Variants in CHAT observed in about 807,000 individuals in gnomAD.
CHAT encodes choline O-acetyltransferase, also known as acetyl CoA:choline O-acetyltransferase.
A neutral mutation model predicts 76.9 loss-of-function variants in CHAT; 61 were observed. The ratio of observed to expected loss-of-function variants is 0.79; its 90% CI spans 0.65 to 0.98. The LOEUF (loss-of-function observed/expected upper bound fraction) is 0.98, where lower values mean the gene tolerates loss of function less well. Among genes scored for constraint, CHAT ranks in the 50% least tolerant of loss-of-function variants. The pLI is 0.00. For synonymous variants in CHAT, 407 were observed against 397.4 expected (o/e 1.02, Z -0.29); for missense variants, 946 against 986.9 (o/e 0.96, Z 0.56).
At chr10:49,664,200 A>G (rs10857528) in intron 14 of CHAT, among the ~76,000 whole-genome samples, 129,709 of 152,160 alleles carry the variant, frequency 0.85, 55,609 homozygotes, top group Non-Finnish European at 0.91. Flanking sequence ...ACAAAATCTC[A>G]GCACTCTGAT....
intron 7 of CHAT, among the ~76,000 whole-genome samples, chr10:49,638,692 G>A (rs542283413): frequency 3.0e-4 from 45 of 152,282 alleles, no homozygotes; most frequent in African/African-American, 1.1e-3. Context: ...CTAGTGAAGT[G>A]TAGAAAGCTT....
intron 13 of CHAT, among the ~76,000 whole-genome samples, chr10:49,658,633 C>T (rs896552105): frequency 2.0e-5 from 3 of 152,256 alleles, no homozygotes; most frequent in East Asian, 1.9e-4. Context: ...CGCTTGAACC[C>T]GGGAGTCGGA....
At chr10:49,609,103 G>C (rs542942211), upstream of CHAT, 1 of 152,394 alleles carries the variant, frequency 6.6e-6, no homozygotes, top group African/African-American at 2.4e-5. Context: ...GGTCAACGCC[G>C]CTCTGGGGAC....
intron 7 of CHAT, among the ~76,000 whole-genome samples, chr10:49,646,275 G>C (rs1391833476): frequency 1.3e-5 from 2 of 152,222 alleles, no homozygotes; most frequent in Non-Finnish European, 2.9e-5. Flanking sequence ...GCTCCTGCAG[G>C]GACCGTGCGA....
chr10:49,649,131 C>T (rs1174476281), intron 9 of CHAT, among the ~76,000 whole-genome samples: 1 of 152,208 alleles, frequency 6.6e-6, no homozygotes, highest in African/African-American at 2.4e-5. Flanking sequence ...TTCCATGAAA[C>T]TCAGGGTTAC....
At chr10:49,636,906 A>G (rs1033125419) in intron 7 of CHAT, among the ~76,000 whole-genome samples, 9 of 152,162 alleles carry the variant, frequency 5.9e-5, no homozygotes, top group Non-Finnish European at 1.3e-4. Flanking sequence ...GGATTGGTCC[A>G]TTTCATGTAA....
chr10:49,612,409 C>CA, upstream of CHAT: 5 of 1,474,230 alleles, frequency 3.4e-6, no homozygotes, highest in Non-Finnish European at 4.6e-6. Context: ...GCCCACTGGC[C>CA]AGCTCTGGCT....
At chr10:49,611,415 C>T (rs757608288), upstream of CHAT, 2 of 1,597,798 alleles carry the variant, frequency 1.3e-6, no homozygotes, top group African/African-American at 1.3e-5. Flanking sequence ...GCTTCGGAAG[C>T]CTAGTGGCCC....
chr10:49,612,647 G>T (rs74832669), upstream of CHAT: 11,320 of 352,338 alleles, frequency 0.032, 1,431 homozygotes, highest in East Asian at 0.34. Context: ...TCCTTCCATT[G>T]CTCCCAGTGC....
At chr10:49,622,690 G>A (rs1182792677) in intron 5 of CHAT, among the ~76,000 whole-genome samples, 1 of 152,182 alleles carries the variant, frequency 6.6e-6, no homozygotes, top group Non-Finnish European at 1.5e-5. Context: ...AGAGCAGCAG[G>A]GAGAGTAAGC....
intron 5 of CHAT, among the ~76,000 whole-genome samples, chr10:49,623,578 G>C (rs1423533577): frequency 1.3e-5 from 2 of 152,180 alleles, no homozygotes; most frequent in Non-Finnish European, 2.9e-5. Flanking sequence ...AAATACAGCT[G>C]TGTCCCTTCC....
chr10:49,662,823 A>T, intron 14 of CHAT, 41 bp downstream of exon 14: 1 of 1,613,912 alleles, frequency 6.2e-7, no homozygotes, highest in Non-Finnish European at 8.5e-7. Flanking sequence ...TAGTGTAGTC[A>T]GTAAGCTTTC....
chr10:49,633,129 C>T (rs1485049624), intron 7 of CHAT, among the ~76,000 whole-genome samples: 1 of 152,238 alleles, frequency 6.6e-6, no homozygotes, highest in Non-Finnish European at 1.5e-5. Context: ...GCCAGTGTGA[C>T]TCAGCCCTAA....
chr10:49,612,351 C>T (rs749117275), upstream of CHAT: 10 of 1,568,186 alleles, frequency 6.4e-6, no homozygotes, highest in African/African-American at 1.1e-4. Context: ...ATCCCCACTC[C>T]TCCTCCAGCC....
At chr10:49,610,054 C>T (rs552185745), upstream of CHAT, among the ~76,000 whole-genome samples, 1 of 151,830 alleles carries the variant, frequency 6.6e-6, no homozygotes, top group South Asian at 2.1e-4. Context: ...GGGCAGAGGG[C>T]CAGCTACCGG....
chr10:49,620,407 T>C lies in CHAT; in HGVS notation c.580-88T>C, dbSNP rs1471978412. 1.0e-5 allele frequency: 9 copies of C among 883,066 alleles called. No homozygotes were observed. In the Admixed American group the frequency reaches 1.5e-4, roughly 15 times the overall value. The allele number at this position is 883,066 out of a possible 1,614,324, so 54.7% of individuals were successfully genotyped here. ...ATTTGTGGAATGAATGAATTAATGCTCTGGTGAAGTGTCCCGATTTTCTCT... is the reference window on the plus strand; with the variant it reads ...ATTTGTGGAATGAATGAATTAATGCCCTGGTGAAGTGTCCCGATTTTCTCT... On this transcript the variant is annotated intron_variant, in intron 3 of 14. Coordinates refer to ENST00000337653, the MANE Select transcript of CHAT (RefSeq NM_020549.5).
chr10:49,629,819 C>G (rs553933222), intron 7 of CHAT, among the ~76,000 whole-genome samples: 5 of 152,210 alleles, frequency 3.3e-5, no homozygotes, highest in Non-Finnish European at 4.4e-5. Flanking sequence ...ACAGATCCCC[C>G]CTCCCCAGAG....
upstream of CHAT, chr10:49,611,656 G>T (rs201856903): frequency 4.4e-5 from 71 of 1,611,718 alleles, no homozygotes; most frequent in Non-Finnish European, 5.4e-5. Flanking sequence ...CATTCCCCTC[G>T]CCTTCCTCGA....
In CHAT at chr10:49,656,060, C is replaced by G. The variant is rs148419055; in HGVS notation, c.1839+612C>G. Among the ~76,000 whole-genome samples the G allele has an allele frequency of 4.5e-3, 683 of 152,290 alleles. 7 individuals carry two copies. Among genetic ancestry groups the G allele is most frequent in the African/African-American group, 0.016 (656 of 41,540 alleles). On this transcript the variant is annotated intron_variant, in intron 13 of 14. Coordinates refer to ENST00000337653, the MANE Select transcript of CHAT (RefSeq NM_020549.5). The stretch of plus-strand genomic sequence containing the variant: ...GGGCGGCTCATCAATACCTGCATTG[C>G]AAGTCATTCTAATACAGTCTTTGAA...
Sources: allele counts gnomAD v4.1 joint callset (sites outside exome capture counted in the v4.1 genomes callset), GRCh38; gene constraint gnomAD v4.1.1; transcripts MANE v1.5; gene names NCBI Gene and HGNC (gene_info 2026-07-23, HGNC 2026-07-21).